Variants in ITPRID1 observed in about 807,000 individuals in gnomAD.
ITPRID1 encodes the protein ITPR interacting domain containing 1, also known as protein ITPRID1.
In ITPRID1, 96 loss-of-function variants were observed where a neutral mutation model predicts 95.4. That is an observed-to-expected ratio of 1.01 (90% CI 0.85 to 1.19). The LOEUF (loss-of-function observed/expected upper bound fraction) is 1.19, where lower values mean the gene tolerates loss of function less well. Among genes scored for constraint, ITPRID1 ranks in the 50% most tolerant of loss-of-function variants. The pLI, the probability that ITPRID1 is intolerant of heterozygous loss-of-function variation, is 0.00. For synonymous variants in ITPRID1, 510 were observed against 453.6 expected (o/e 1.12, Z -1.58); for missense variants, 1,339 against 1,252.9 (o/e 1.07, Z -1.04).
intron 5 of ITPRID1, among the ~76,000 whole-genome samples, chr7:31,557,391 A>G (rs955543196): frequency 6.6e-6 from 1 of 152,002 alleles, no homozygotes; most frequent in Non-Finnish European, 1.5e-5. Context: ...AATAACATAG[A>G]TAGTTGGGAT....
At chr7:31,625,834 T>TTTTC (rs1486164685) in intron 10 of ITPRID1, among the ~76,000 whole-genome samples, 1 of 152,190 alleles carries the variant, frequency 6.6e-6, no homozygotes, top group East Asian at 1.9e-4. Flanking sequence ...TTTTTAAATT[T>TTTTC]TTTCTTTATA....
chr7:31,612,787 T>G (rs955983694), intron 10 of ITPRID1, among the ~76,000 whole-genome samples: 6 of 152,110 alleles, frequency 3.9e-5, no homozygotes, highest in African/African-American at 1.4e-4. Flanking sequence ...GAAATTAGGG[T>G]CTTCTCAGAT....
Position 31,643,449 on chromosome 7 carries a change from T to C in ITPRID1, c.2079T>C (p.Ala693=). The C allele has an allele frequency of 6.2e-7, 1 of 1,614,018 alleles. No individual in the cohort carries two copies. The highest frequency in any genetic ancestry group is 8.5e-7 in the Non-Finnish European group (1 of 1,179,890). The stretch of plus-strand genomic sequence containing the variant: ...GTCAGATACTACCTGGGACAGAAGC[T>C]GAGATGGAAAACCTTCCTCTAAATA... The part of the protein sequence containing the change: ...TLGQILPGTE[A]EMENLPLNTG... The change falls in exon 12 of 15, where the codon GCT becomes GCC. Residue 693 remains alanine (A), a synonymous_variant. Transcript: ENST00000615280.
rs767226849 is a variant in ITPRID1 at position 31,643,300 on chromosome 7, C to T, written c.1930C>T (p.Pro644Ser). 6 of 1,613,724 alleles carry T rather than the reference C, an allele frequency of 3.7e-6. No homozygotes were observed. In the Admixed American group the frequency reaches 1.0e-4, roughly 27 times the overall value. Residue 644 changes from proline (P) to serine (S), a missense_variant, in exon 12 of 15, where the codon CCC becomes TCC. Transcript: ENST00000615280. Reference protein sequence around the residue: ...LVPESSSQCIPKHSEITPYAT... With the variant: ...LVPESSSQCISKHSEITPYAT... ...ACCAGAAAGCTCATCACAGTGTATC[C>T]CCAAGCACAGTGAAATCACACCTTA...
At chr7:31,620,460 C>A (rs1583605140) in intron 10 of ITPRID1, among the ~76,000 whole-genome samples, 1 of 151,470 alleles carries the variant, frequency 6.6e-6, no homozygotes, top group African/African-American at 2.4e-5. Context: ...ACGAAAAATA[C>A]CTGTTCTGCA....
intron 1 of ITPRID1, among the ~76,000 whole-genome samples, chr7:31,517,205 G>T (rs940846783): frequency 1.2e-4 from 19 of 152,124 alleles, no homozygotes; most frequent in Admixed American, 1.1e-3. Context: ...GGTCCATTTT[G>T]CAGAGAGCTG....
intron 2 of ITPRID1, among the ~76,000 whole-genome samples, chr7:31,549,750 C>CA (rs1314132260): frequency 6.6e-6 from 1 of 152,100 alleles, no homozygotes; most frequent in Non-Finnish European, 1.5e-5. Context: ...AGTAACCAAG[C>CA]AATTACTAAT....
chr7:31,657,251 T>C (rs1051945883), downstream of ITPRID1, among the ~76,000 whole-genome samples: 1 of 98,412 alleles, frequency 1.0e-5, no homozygotes, highest in Non-Finnish European at 2.3e-5. Flanking sequence ...TTGAGTTGAC[T>C]CTGATTTCCT....
chr7:31,562,332 A>C (rs1222576221), intron 5 of ITPRID1, among the ~76,000 whole-genome samples: 1 of 152,208 alleles, frequency 6.6e-6, no homozygotes, highest in Non-Finnish European at 1.5e-5. Flanking sequence ...TAACTCCTAC[A>C]GCAAAAAGAC....
intron 1 of ITPRID1, among the ~76,000 whole-genome samples, chr7:31,535,246 T>G (rs1178096277): frequency 1.3e-5 from 2 of 152,154 alleles, no homozygotes; most frequent in Non-Finnish European, 2.9e-5. Context: ...TATTTCACAA[T>G]GTAAAAACTT....
At chr7:31,647,211 C>T in intron 12 of ITPRID1, among the ~76,000 whole-genome samples, 1 of 152,150 alleles carries the variant, frequency 6.6e-6, no homozygotes, top group East Asian at 1.9e-4. Flanking sequence ...TAAGAGTGAG[C>T]CTGGGTTTGT....
intron 1 of ITPRID1, among the ~76,000 whole-genome samples, chr7:31,542,514 CTCTTT>C (rs1481873246): frequency 6.6e-6 from 1 of 152,110 alleles, no homozygotes; most frequent in Non-Finnish European, 1.5e-5. Context: ...TATATAAATT[CTCTTT>C]TCTTTAATAT....
chr7:31,563,600 T>C (rs1784696485), intron 5 of ITPRID1, among the ~76,000 whole-genome samples: 1 of 152,204 alleles, frequency 6.6e-6, no homozygotes, highest in Non-Finnish European at 1.5e-5. Flanking sequence ...GAAGCAAGCA[T>C]GTTACACATT....
chr7:31,574,897 G>A (rs769462226), intron 8 of ITPRID1, among the ~76,000 whole-genome samples, 155 bp downstream of exon 8: 2 of 152,186 alleles, frequency 1.3e-5, no homozygotes, highest in Non-Finnish European at 2.9e-5. Flanking sequence ...CATCCTATAT[G>A]TCCAGTGGGA....
intron 10 of ITPRID1, among the ~76,000 whole-genome samples, chr7:31,599,684 CTCTCTCTCTT>C (rs1169537507): frequency 6.9e-5 from 10 of 144,984 alleles, no homozygotes; most frequent in Non-Finnish European, 6.0e-5. Context: ...CTCTCTCTCT[CTCTCTCTCTT>C]TCTTTCTTTC....
At chr7:31,639,692 A>G (rs1166696350) in intron 10 of ITPRID1, among the ~76,000 whole-genome samples, 1 of 151,840 alleles carries the variant, frequency 6.6e-6, no homozygotes, top group Admixed American at 6.6e-5. Context: ...GCCTGCCACC[A>G]TGCCCGGCTA....
chr7:31,561,287 C>G (rs938545097), intron 5 of ITPRID1, among the ~76,000 whole-genome samples: 4 of 152,124 alleles, frequency 2.6e-5, no homozygotes, highest in African/African-American at 9.7e-5. Context: ...ATTTTCTCTT[C>G]AGGAGATGAA....
At chr7:31,548,512 G>T (rs1784174011) in intron 1 of ITPRID1, among the ~76,000 whole-genome samples, 1 of 152,158 alleles carries the variant, frequency 6.6e-6, no homozygotes, top group Non-Finnish European at 1.5e-5. Flanking sequence ...AGAGAAAGAA[G>T]ATGAAGGGAC....
intron 10 of ITPRID1, among the ~76,000 whole-genome samples, chr7:31,636,500 T>C (rs552454496): frequency 1.2e-4 from 19 of 152,238 alleles, no homozygotes; most frequent in African/African-American, 3.4e-4. Context: ...TCAAAACATA[T>C]AGAAAAAGCA....
Sources: allele counts gnomAD v4.1 joint callset (sites outside exome capture counted in the v4.1 genomes callset), GRCh38; gene constraint gnomAD v4.1.1; transcripts MANE v1.5; gene names NCBI Gene and HGNC (gene_info 2026-07-23, HGNC 2026-07-21).